Variants in KDM2B observed in about 807,000 individuals in gnomAD.
KDM2B encodes the protein lysine-specific demethylase 2B.
Under a neutral mutation model 150.0 loss-of-function variants are expected in KDM2B, and 26 were observed. The observed-to-expected ratio is 0.17, with a 90% CI of 0.13 to 0.24. The LOEUF (loss-of-function observed/expected upper bound fraction) is 0.24, where lower values mean the gene tolerates loss of function less well. Ranked by LOEUF, KDM2B falls within the 10% of genes least tolerant of loss-of-function variation. The pLI, the probability that KDM2B is intolerant of heterozygous loss-of-function variation, is 1.00. For missense variants in KDM2B, 1,265 were observed against 1,816.9 expected (o/e 0.70, Z 5.52); for synonymous variants, 734 against 729.5 (o/e 1.01, Z -0.10).
intron 4 of KDM2B, 89 bp downstream of exon 4, chr12:121,574,458 G>T: frequency 1.6e-6 from 2 of 1,280,992 alleles, no homozygotes; most frequent in Non-Finnish European, 2.2e-6. Context: ...TTGAGAGGCA[G>T]TTAAAAGTCT....
intron 2 of KDM2B, among the ~76,000 whole-genome samples, chr12:121,576,411 G>A (rs1324039764): frequency 1.3e-5 from 2 of 152,200 alleles, no homozygotes; most frequent in Non-Finnish European, 2.9e-5. Context: ...CCTGGAAACT[G>A]TGTATTTGGT....
At chr12:121,538,531 T>C (rs1888351756) in intron 6 of KDM2B, among the ~76,000 whole-genome samples, 1 of 152,168 alleles carries the variant, frequency 6.6e-6, no homozygotes, top group Non-Finnish European at 1.5e-5. Context: ...GATGTTCTTT[T>C]ACCACCCCTT....
the KDM2B span, chr12:121,416,683 A>G: frequency 1.2e-5 from 3 of 246,196 alleles, no homozygotes; most frequent in African/African-American, 2.3e-5. Flanking sequence ...TTTGTTCACA[A>G]ATGATTTACT....
intron 4 of KDM2B, among the ~76,000 whole-genome samples, chr12:121,570,969 A>G (rs1891044852): frequency 6.6e-6 from 1 of 152,248 alleles, no homozygotes; most frequent in Non-Finnish European, 1.5e-5. Flanking sequence ...GATAAACAAA[A>G]TGTAGTCTAT....
At chr12:121,579,334 C>T (rs1442412009) in intron 1 of KDM2B, among the ~76,000 whole-genome samples, 2 of 152,248 alleles carry the variant, frequency 1.3e-5, no homozygotes, top group African/African-American at 4.8e-5. Context: ...CAGGAGGAGC[C>T]GCTGCGGCGC....
chr12:121,533,984 G>A lies in KDM2B; in HGVS notation c.777+513C>T, dbSNP rs751688882. On this transcript the variant is annotated intron_variant, in intron 7 of 22. Transcript: ENST00000377071. This position sits in a 1 kb window ranked among gnomAD's most constrained non-coding sequence, Gnocchi z 4.1. ...GAGCCCAGGAGGTGGAGGCTACAGC[G>A]AGCTGTGATTTCGCCACTGCACTCC... Among the ~76,000 whole-genome samples, 12 of 152,112 alleles carry A rather than the reference G, an allele frequency of 7.9e-5. No homozygotes were observed. Among genetic ancestry groups the A allele is most frequent in the East Asian group, 1.9e-4 (1 of 5,188 alleles).
intron 13 of KDM2B, among the ~76,000 whole-genome samples, chr12:121,445,932 C>G (rs781936277): frequency 6.6e-6 from 1 of 152,206 alleles, no homozygotes; most frequent in Non-Finnish European, 1.5e-5. Flanking sequence ...AAGACCTTTA[C>G]AGAAAGGTTA....
chr12:121,559,747 C>A (rs1032831870), intron 4 of KDM2B, among the ~76,000 whole-genome samples: 1 of 151,624 alleles, frequency 6.6e-6, no homozygotes, highest in Admixed American at 6.6e-5. Flanking sequence ...CTAAAAAAAA[C>A]ACAAAATTAG....
intron 4 of KDM2B, among the ~76,000 whole-genome samples, chr12:121,572,456 G>C (rs1891170566): frequency 1.3e-5 from 2 of 152,104 alleles, no homozygotes; most frequent in Non-Finnish European, 2.9e-5. Context: ...GACTTCCCTT[G>C]TGCCCTTGCT....
intron 22 of KDM2B, among the ~76,000 whole-genome samples, chr12:121,437,616 T>C (rs1555287091): frequency 1.3e-5 from 2 of 152,096 alleles, no homozygotes; most frequent in Non-Finnish European, 2.9e-5. Context: ...GTTTAAGGCA[T>C]TGTCTCAGGT....
intron 22 of KDM2B, among the ~76,000 whole-genome samples, chr12:121,435,909 G>C (rs1555286646): frequency 1.3e-5 from 2 of 152,172 alleles, no homozygotes; most frequent in Non-Finnish European, 2.9e-5. Flanking sequence ...CAGAGCTTCT[G>C]ATCACCCTTG....
chr12:121,549,633 G>A lies in KDM2B; in HGVS notation c.403C>T (p.Arg135Trp), dbSNP rs1889327123. 1.3e-6 allele frequency: 2 copies of A among 1,574,982 alleles called. No homozygotes were observed. The highest frequency in any genetic ancestry group is 1.1e-5 in the South Asian group (1 of 87,258). Residue 135 changes from arginine to tryptophan, a missense_variant, in exon 5 of 23, where the codon CGG becomes TGG. Arg to Trp is a moderately radical substitution (Grantham distance 101). Transcript: ENST00000377071. This position sits in a 1 kb window ranked among gnomAD's most constrained non-coding sequence, Gnocchi z 4.4. The stretch of plus-strand genomic sequence containing the variant: ...ACATCCATCACGTCCACAAGCCGCC[G>A]GCTCCCTGGAGGCAGAAGCCACACA... ...VRDVKLLVGSRRLVDVMDVNT... is the reference protein window; with the variant it reads ...VRDVKLLVGSWRLVDVMDVNT...
Position 121,509,839 on chromosome 12 carries a change from TCCCGAGGGCCTC to T in KDM2B, c.1363_1374del (p.Glu455_Gly458del). ...CGCAGGGCAGGTGCTTTGGGCTTCT[TCCCGAGGGCCTC>T]CTGGTCCTCAGAGGGCGTGCTGGTG... On this transcript the variant is annotated inframe_deletion, in exon 11 of 23. Transcript: ENST00000377071. 6.2e-7 allele frequency: 1 copy of T among 1,614,006 alleles called. No individual in the cohort carries two copies. Among genetic ancestry groups the T allele is most frequent in the South Asian group, 1.1e-5 (1 of 91,072 alleles).
chr12:121,482,687 CA>C (rs1481567019), intron 12 of KDM2B, among the ~76,000 whole-genome samples: 1 of 152,148 alleles, frequency 6.6e-6, no homozygotes, highest in Non-Finnish European at 1.5e-5. Flanking sequence ...GAGTCACAAA[CA>C]GGACTCAGAA....
chr12:121,521,152 C>A lies in KDM2B; in HGVS notation c.932-52G>T. 1.6e-6 allele frequency: 2 copies of A among 1,271,364 alleles called. No homozygotes were observed. Among genetic ancestry groups the A allele is most frequent in the Non-Finnish European group, 1.1e-6 (1 of 872,634 alleles). The allele number at this position is 1,271,364 out of a possible 1,614,324, so 78.8% of individuals were successfully genotyped here. ...TGAGCCGCTGGCCCCTGTGGGCTCC[C>A]ACACCTCACAAGGCTGCAGGGAGGG... On this transcript the variant is annotated intron_variant, in intron 8 of 22. Coordinates refer to ENST00000377071, the MANE Select transcript of KDM2B (RefSeq NM_032590.5). The surrounding 1 kb of genome is among the most constrained non-coding windows in gnomAD (Gnocchi z 4.9).
At chr12:121,563,423 A>G (rs1255781066) in intron 4 of KDM2B, among the ~76,000 whole-genome samples, 8 of 147,074 alleles carry the variant, frequency 5.4e-5, no homozygotes, top group South Asian at 2.2e-4. Context: ...CCTGGCCAAT[A>G]TGGTGAAACC....
In KDM2B at chr12:121,453,855, A is replaced by T. The variant is rs1203444484; in HGVS notation, c.1735-511T>A. 6.6e-6 allele frequency among the ~76,000 whole-genome samples: 1 copy of T among 152,152 alleles called. No homozygotes were observed. Among genetic ancestry groups the T allele is most frequent in the Non-Finnish European group, 1.5e-5 (1 of 68,020 alleles). On this transcript the variant is annotated intron_variant, in intron 12 of 22. Coordinates refer to ENST00000377071, the MANE Select transcript of KDM2B (RefSeq NM_032590.5). This position sits in a 1 kb window ranked among gnomAD's most constrained non-coding sequence, Gnocchi z 6.4. ...CCCGTTATGGCAGCCCTAGGAGAGGACGACAGAGGGCGCGTGCTTCTTGCC... is the reference window on the plus strand; with the variant it reads ...CCCGTTATGGCAGCCCTAGGAGAGGTCGACAGAGGGCGCGTGCTTCTTGCC...
chr12:121,440,717 T>C (rs1874866837), intron 21 of KDM2B, 99 bp downstream of exon 21: 2 of 1,184,158 alleles, frequency 1.7e-6, no homozygotes, highest in East Asian at 4.7e-5. Context: ...CTCATCCCTA[T>C]GTCCTTTGGG....
intron 8 of KDM2B, among the ~76,000 whole-genome samples, chr12:121,529,892 C>T (rs1887486322): frequency 3.0e-5 from 4 of 133,474 alleles, no homozygotes; most frequent in Middle Eastern, 4.8e-3. Context: ...ATTGCACCAC[C>T]ATGCTCCAGC....
Sources: gnomAD v4.1 joint callset for allele counts (sites outside exome capture counted in the v4.1 genomes callset) on GRCh38, gnomAD v4.1.1 for gene constraint, Gnocchi (gnomAD v3.1) non-coding constraint, MANE v1.5 for transcripts, NCBI Gene and HGNC (gene_info 2026-07-23, HGNC 2026-07-21) for gene names.